The following LINGO2 variants were observed in gnomAD, a reference collection of about 807,000 sequenced individuals.
LINGO2 encodes the protein leucine rich repeat and Ig domain containing 2, also known as leucine-rich repeat and immunoglobulin-like domain-containing nogo receptor-interacting protein 2.
LINGO2 carries 14 observed loss-of-function variants against 30.6 expected under a neutral mutation model. The ratio of observed to expected loss-of-function variants is 0.46; its 90% CI spans 0.30 to 0.72. LINGO2 has a LOEUF of 0.72. Among genes scored for constraint, LINGO2 ranks in the 30% least tolerant of loss-of-function variants. The pLI is 0.07. For synonymous variants in LINGO2, 317 were observed against 288.5 expected, an observed-to-expected ratio of 1.10 and a Z score of -1.00; for missense variants, 729 against 751.7, an observed-to-expected ratio of 0.97 and a Z score of 0.35.
chr9:28,073,528 T>G (rs1235203861), intron 4 of LINGO2, among the ~76,000 whole-genome samples: 1 of 152,164 alleles, frequency 6.6e-6, no homozygotes, highest in East Asian at 1.9e-4. Context: ...CTTGAAAGCT[T>G]CAGAAACTAG....
chr9:28,178,086 A>G (rs1587147342), intron 4 of LINGO2, among the ~76,000 whole-genome samples: 1 of 152,258 alleles, frequency 6.6e-6, no homozygotes, highest in Middle Eastern at 3.4e-3. Flanking sequence ...GAAGCCTACT[A>G]TCGGCCTCCC....
chr9:28,797,351 TATATATATAGAG>T, the LINGO2 span, among the ~76,000 whole-genome samples: 244 of 62,482 alleles, frequency 3.9e-3, 3 homozygotes, highest in African/African-American at 0.012. Context: ...TATATATATA[TATATATATAGAG>T]AGAGAGAGAG....
chr9:28,625,363 G>A (rs945809312), intron 1 of LINGO2, among the ~76,000 whole-genome samples: 1 of 152,136 alleles, frequency 6.6e-6, no homozygotes, highest in African/African-American at 2.4e-5. Context: ...GGAGATGGGG[G>A]AGAGGTGACA....
At chr9:27,985,748 T>C (rs1479392767) in intron 5 of LINGO2, among the ~76,000 whole-genome samples, 2 of 151,708 alleles carry the variant, frequency 1.3e-5, no homozygotes, top group African/African-American at 4.8e-5. Flanking sequence ...CCCCTTGAAA[T>C]TCCCCCCAAC....
chr9:28,995,298 T>C, the LINGO2 span, among the ~76,000 whole-genome samples: 3 of 152,170 alleles, frequency 2.0e-5, no homozygotes, highest in East Asian at 1.9e-4. Flanking sequence ...ATCAGAGAAA[T>C]GCAAATCAAA....
Position 28,627,132 on chromosome 9 carries a change from C to T in LINGO2, c.-365+43068G>A, listed in dbSNP as rs192149975. On this transcript the variant is annotated intron_variant, in intron 1 of 5. Coordinates refer to ENST00000379992, the Ensembl canonical transcript of LINGO2. Reference sequence around the variant, plus strand: ...ATAAATTTTATCTTTTCAAGGCTGACGTAGGTGTAGCCCTTACTCTAGGGA... The same window carrying T: ...ATAAATTTTATCTTTTCAAGGCTGATGTAGGTGTAGCCCTTACTCTAGGGA... 1.6e-4 allele frequency among the ~76,000 whole-genome samples: 24 copies of T among 151,930 alleles called. No homozygotes were observed. In the South Asian group the frequency reaches 2.5e-3, roughly 16 times the overall value.
At position 28,493,057 on chromosome 9, in the gene LINGO2, G is replaced by A. The variant is rs1826461631; in HGVS notation, c.-364-17032C>T. Among the ~76,000 whole-genome samples the A allele has an allele frequency of 2.0e-5, 3 of 152,098 alleles. No homozygotes were observed. In the South Asian group the frequency reaches 6.2e-4, roughly 32 times the overall value. ...CTCTAGGCTGGTTGAGATGCCTAAAGGTGTGTTTCTTAAAGGAAACAAGTA... is the reference window on the plus strand; with the variant it reads ...CTCTAGGCTGGTTGAGATGCCTAAAAGTGTGTTTCTTAAAGGAAACAAGTA... On this transcript the variant is annotated intron_variant, in intron 1 of 5. Coordinates refer to ENST00000379992, the Ensembl canonical transcript of LINGO2.
At chr9:28,443,073 T>A (rs1824263074) in intron 2 of LINGO2, among the ~76,000 whole-genome samples, 1 of 152,166 alleles carries the variant, frequency 6.6e-6, no homozygotes, top group Non-Finnish European at 1.5e-5. Context: ...TAATTTTATA[T>A]AGACTATGGC....
rs565788410 is a variant in LINGO2 at position 28,185,531 on chromosome 9, G to A, written c.-87+109677C>T. Among the ~76,000 whole-genome samples, 33 of 152,034 alleles carry A rather than the reference G, an allele frequency of 2.2e-4. 1 individual carries two copies. Among genetic ancestry groups the A allele is most frequent in the Non-Finnish European group, 1.3e-4 (9 of 67,946 alleles). On this transcript the variant is annotated intron_variant, in intron 4 of 5. Coordinates refer to ENST00000379992, the Ensembl canonical transcript of LINGO2. ...CATAAATGGCTCTGAGAAACCCCAC[G>A]GTAATTCTATTTCATCAATTTTTGT...
intron 1 of LINGO2, among the ~76,000 whole-genome samples, chr9:28,510,680 ATATGTG>A (rs1269969844): frequency 3.4e-5 from 1 of 29,448 alleles, no homozygotes; most frequent in African/African-American, 7.4e-5. Flanking sequence ...AACTGTATAT[ATATGTG>A]TGTGTGTGTG....
chr9:28,250,484 C>A (rs1015286401), intron 4 of LINGO2, among the ~76,000 whole-genome samples: 4 of 151,986 alleles, frequency 2.6e-5, no homozygotes, highest in African/African-American at 9.7e-5. Flanking sequence ...CAAAGAAGCC[C>A]GAACAAGTCA....
rs144025586 is a variant in LINGO2 at position 28,184,283 on chromosome 9, G to A, written c.-87+110925C>T. On this transcript the variant is annotated intron_variant, in intron 4 of 5. Coordinates refer to ENST00000379992, the Ensembl canonical transcript of LINGO2. ...CACAAGTTAGCTACTACCCTCTTTC[G>A]TTTCTTTTGAAAATAAAGAAGTGGT... Among the ~76,000 whole-genome samples the A allele has an allele frequency of 5.4e-3, 819 of 152,036 alleles. 9 individuals are homozygous for A. The highest frequency in any genetic ancestry group is 0.019 in the African/African-American group (781 of 41,428).
At chr9:28,474,074 T>C (rs1825632876) in intron 2 of LINGO2, among the ~76,000 whole-genome samples, 1 of 152,278 alleles carries the variant, frequency 6.6e-6, no homozygotes, top group South Asian at 2.1e-4. Flanking sequence ...AAATAGCACA[T>C]GTAAATATTT....
the LINGO2 span, chr9:27,941,059 G>A: frequency 9.3e-6 from 1 of 107,908 alleles, no homozygotes; most frequent in Non-Finnish European, 2.3e-5. Context: ...TGTTAGAGAT[G>A]TGACTCTGAC....
At chr9:28,758,663 G>C in the LINGO2 span, among the ~76,000 whole-genome samples, 7 of 152,022 alleles carry the variant, frequency 4.6e-5, no homozygotes, top group Non-Finnish European at 8.8e-5. Flanking sequence ...TCATCATCTG[G>C]ATGGTTTCAA....
the LINGO2 span, among the ~76,000 whole-genome samples, chr9:29,199,486 C>G: frequency 6.6e-6 from 1 of 152,196 alleles, no homozygotes; most frequent in Non-Finnish European, 1.5e-5. Context: ...TCACCTTTAC[C>G]TCTCCTACCT....
the LINGO2 span, among the ~76,000 whole-genome samples, chr9:29,134,752 T>G: frequency 6.6e-5 from 10 of 152,102 alleles, no homozygotes; most frequent in African/African-American, 2.4e-4. Flanking sequence ...AAATATGGTT[T>G]ATAACACTGA....
intron 2 of LINGO2, among the ~76,000 whole-genome samples, chr9:28,443,706 G>C (rs890474740): frequency 1.1e-4 from 16 of 152,232 alleles, no homozygotes; most frequent in Non-Finnish European, 2.4e-4. Context: ...GCCAACGAGT[G>C]TGAGAGGGAG....
In LINGO2 at chr9:28,046,533, C is replaced by T. The variant is rs940233971; in HGVS notation, c.-86-34128G>A. ...TTTAGGAATACTTTTGTAACTTTTT[C>T]CTCTGCTTAAACACTTCAGAAGGTG... On this transcript the variant is annotated intron_variant, in intron 4 of 5. Coordinates refer to ENST00000379992, the Ensembl canonical transcript of LINGO2. Among the ~76,000 whole-genome samples the T allele has an allele frequency of 5.9e-5, 9 of 152,236 alleles. 1 individual carries two copies. The highest frequency in any genetic ancestry group is 3.4e-3 in the Middle Eastern group (1 of 294).
Sources: allele counts gnomAD v4.1 joint callset (sites outside exome capture counted in the v4.1 genomes callset), GRCh38; gene constraint gnomAD v4.1.1; transcripts MANE v1.5; gene names NCBI Gene and HGNC (gene_info 2026-07-23, HGNC 2026-07-21).